The following SYNE1 variants were observed in gnomAD, a reference collection of about 807,000 sequenced individuals.
SYNE1 encodes the protein nesprin-1.
Under a neutral mutation model 1,111.0 loss-of-function variants are expected in SYNE1, and 616 were observed. That is an observed-to-expected ratio of 0.55 (90% CI 0.52 to 0.59). SYNE1 has a LOEUF of 0.59. SYNE1 is among the 20% of genes least tolerant of loss of function. The pLI is 0.00. For synonymous variants in SYNE1, 3,855 were observed against 3,825.8 expected, an observed-to-expected ratio of 1.01 and a Z score of -0.28; for missense variants, 10,006 against 10,417.0, an observed-to-expected ratio of 0.96 and a Z score of 1.72.
intron 70 of SYNE1, among the ~76,000 whole-genome samples, chr6:152,351,504 T>C (rs1182126457): frequency 6.6e-6 from 1 of 152,248 alleles, no homozygotes; most frequent in Admixed American, 6.5e-5. Flanking sequence ...CCTGTGTCTA[T>C]GTCATGTATA....
chr6:152,337,152 AATAC>A (rs1456745848), intron 75 of SYNE1, 135 bp from the exon 76 acceptor site: 2 of 798,002 alleles, frequency 2.5e-6, no homozygotes, highest in Non-Finnish European at 3.9e-6. Flanking sequence ...CACACACACA[AATAC>A]ATAAATTTAA....
chr6:152,419,500 C>G, intron 40 of SYNE1, 69 bp downstream of exon 40: 1 of 1,480,114 alleles, frequency 6.8e-7, no homozygotes, highest in Non-Finnish European at 9.2e-7. Flanking sequence ...TGTTGCATCT[C>G]TTTTTAATTC....
At chr6:152,248,110 C>T (rs951213884) in intron 105 of SYNE1, among the ~76,000 whole-genome samples, 1 of 152,086 alleles carries the variant, frequency 6.6e-6, no homozygotes, top group Non-Finnish European at 1.5e-5. Flanking sequence ...CTACATGAAG[C>T]CTCATGATGG....
rs376338447 is a variant in SYNE1, at chr6:152,230,534, C to G, written c.21195+13G>C. 4 of 1,613,902 alleles carry G rather than the reference C, an allele frequency of 2.5e-6. No individual in the cohort carries two copies. The highest frequency in any genetic ancestry group is 3.4e-6 in the Non-Finnish European group (4 of 1,179,854). On this transcript the variant is annotated intron_variant, in intron 115 of 145. Coordinates refer to ENST00000367255, the MANE Select transcript of SYNE1 (RefSeq NM_182961.4). ...TTGTGAGATGGTGCATGTTAGCCACCTGGACAAGTTACCTGACAGTCTTTC... is the reference window on the plus strand; with the variant it reads ...TTGTGAGATGGTGCATGTTAGCCACGTGGACAAGTTACCTGACAGTCTTTC...
chr6:152,476,996 T>C (rs2098838819), intron 14 of SYNE1, among the ~76,000 whole-genome samples: 1 of 151,984 alleles, frequency 6.6e-6, no homozygotes. Context: ...GAAACAATAT[T>C]GGGGAAATAT....
intron 3 of SYNE1, among the ~76,000 whole-genome samples, chr6:152,593,504 T>C (rs12529072): frequency 0.022 from 3,314 of 151,816 alleles, 128 homozygotes; most frequent in African/African-American, 0.076. Context: ...ATGGCGTGAA[T>C]CCGGGAGGCA....
intron 127 of SYNE1, among the ~76,000 whole-genome samples, chr6:152,198,011 A>G: frequency 7.1e-6 from 1 of 140,094 alleles, no homozygotes; most frequent in Admixed American, 7.5e-5. Context: ...GGAAGGGGAG[A>G]GGAGGGGAGG....
At chr6:152,482,467 T>C (rs2154293714) in intron 14 of SYNE1, among the ~76,000 whole-genome samples, 1 of 152,244 alleles carries the variant, frequency 6.6e-6, no homozygotes, top group South Asian at 2.1e-4. Flanking sequence ...ACAAATTCAA[T>C]TGCATAAAAT....
chr6:152,381,796 G>A (rs2097422252), intron 55 of SYNE1, among the ~76,000 whole-genome samples: 1 of 152,106 alleles, frequency 6.6e-6, no homozygotes, highest in Non-Finnish European at 1.5e-5. Context: ...CTTCAACAGG[G>A]TGGTGGCTTA....
chr6:152,277,745 A>C, intron 98 of SYNE1: 1 of 336,116 alleles, frequency 3.0e-6, no homozygotes, highest in Non-Finnish European at 5.7e-6. Context: ...CTTATAGCTT[A>C]TCTCATTCCT....
Position 152,156,047 on chromosome 6 carries a change from G to T in SYNE1, c.23841C>A (p.Leu7947=). The part of the protein sequence containing the change: ...EKHSTGVASV[L]NLCEVLLHDC... ...CGTGCAGCAGGACTTCACACAGGTTGAGGACAGATGCAACACCTGTACTGT... is the reference window on the plus strand; with the variant it reads ...CGTGCAGCAGGACTTCACACAGGTTTAGGACAGATGCAACACCTGTACTGT... Residue 7947 remains leucine (L), a synonymous_variant, in exon 132 of 146, where the codon CTC becomes CTA. Coordinates refer to ENST00000367255, the MANE Select transcript of SYNE1 (RefSeq NM_182961.4). 6.2e-7 allele frequency: 1 copy of T among 1,614,194 alleles called. No homozygotes were observed. The highest frequency in any genetic ancestry group is 8.5e-7 in the Non-Finnish European group (1 of 1,180,036).
rs200800604 is a variant in SYNE1, at chr6:152,180,261, A to C, written c.23335T>G (p.Leu7779Val). The change falls in exon 129 of 146, where the codon TTG becomes GTG. Residue 7779 changes from leucine to valine, a missense_variant. Leu to Val is a conservative substitution (Grantham distance 32, BLOSUM62 1). This residue lies in a region of SYNE1 where 2,182 missense variants were observed against 2,287.8 expected (regional missense o/e 0.95). Transcript: ENST00000367255. ...SLRRQQIGER[L>V]NEWAVFSEKN... ...TCACTGAAGACTGCCCATTCATTCA[A>C]TCTTTCACCTATTTGCTGCCGCCTT... The C allele has an allele frequency of 3.7e-6, 6 of 1,614,048 alleles. No individual in the cohort carries two copies. In the East Asian group the frequency reaches 1.3e-4, roughly 36 times the overall value.
chr6:152,492,649 A>G (rs964883166), intron 11 of SYNE1, among the ~76,000 whole-genome samples: 1 of 151,704 alleles, frequency 6.6e-6, no homozygotes, highest in Non-Finnish European at 1.5e-5. Flanking sequence ...TCTCTGACTG[A>G]CTCCTTCCCA....
rs1592939078 is a variant in SYNE1, at chr6:152,449,591, C to T, written c.3446G>A (p.Gly1149Glu). Residue 1149 changes from glycine (G) to glutamate (E), a missense_variant, in exon 28 of 146, where the codon GGG becomes GAG. Gly to Glu is a moderately conservative substitution (Grantham distance 98). Coordinates refer to ENST00000367255, the MANE Select transcript of SYNE1 (RefSeq NM_182961.4). ...AGTATCGATGGCCTCACCCTTGATC[C>T]CCTTTAATTGTGTCTCATTTGTAGA... The part of the protein sequence containing the change: ...WISTNETQLK[G>E]IKGEAIDTAN... 1.9e-6 allele frequency: 3 copies of T among 1,614,038 alleles called. No homozygotes were observed. The highest frequency in any genetic ancestry group is 2.5e-6 in the Non-Finnish European group (3 of 1,179,998).
intron 3 of SYNE1, among the ~76,000 whole-genome samples, chr6:152,568,450 G>A (rs187088242): frequency 7.1e-4 from 107 of 151,762 alleles, no homozygotes; most frequent in South Asian, 2.3e-3. Context: ...CTACAAATGC[G>A]TACCACCACA....
intron 129 of SYNE1, chr6:152,179,544 C>T (rs1347941992): frequency 6.7e-6 from 1 of 150,034 alleles, no homozygotes; most frequent in African/African-American, 2.5e-5. Flanking sequence ...TCCTACTGAA[C>T]AGGTAATTAA....
At chr6:152,539,515 T>A (rs1390253639) in intron 4 of SYNE1, among the ~76,000 whole-genome samples, 1 of 152,180 alleles carries the variant, frequency 6.6e-6, no homozygotes, top group Non-Finnish European at 1.5e-5. Context: ...CCATGGTTAC[T>A]TTTTTAAATC....
intron 3 of SYNE1, among the ~76,000 whole-genome samples, chr6:152,583,345 G>T (rs1050383248): frequency 6.6e-6 from 1 of 152,066 alleles, no homozygotes; most frequent in Non-Finnish European, 1.5e-5. Flanking sequence ...CTGCCTCCCT[G>T]GGAGGACAGG....
intron 123 of SYNE1, 104 bp from the exon 124 acceptor site, chr6:152,211,692 C>T: frequency 1.1e-6 from 1 of 890,696 alleles, no homozygotes; most frequent in Non-Finnish European, 1.8e-6. Context: ...ACTATGAAAG[C>T]TATCACCAGC....
Sources: gnomAD v4.1 joint callset for allele counts (sites outside exome capture counted in the v4.1 genomes callset) on GRCh38, gnomAD v4.1.1 for gene constraint, gnomAD v4.1.1 regional missense constraint, MANE v1.5 for transcripts, NCBI Gene and HGNC (gene_info 2026-07-23, HGNC 2026-07-21) for gene names.